NRXN1: variants seen among roughly 807,000 people sequenced by gnomAD.
The protein encoded by NRXN1 is neurexin 1.
A neutral mutation model predicts 150.9 loss-of-function variants in NRXN1; 39 were observed. That is an observed-to-expected ratio of 0.26 (90% confidence interval 0.20 to 0.34). NRXN1 has a LOEUF of 0.34. NRXN1 is among the 10% of genes least tolerant of loss of function. The pLI is 1.00. For synonymous variants in NRXN1, 924 were observed against 757.0 expected (o/e 1.22, Z -3.62); for missense variants, 1,815 against 1,949.9 (o/e 0.93, Z 1.30).
intron 2 of NRXN1, among the ~76,000 whole-genome samples, chr2:50,993,054 C>T (rs1296366368): frequency 6.6e-6 from 1 of 151,872 alleles, no homozygotes; most frequent in Non-Finnish European, 1.5e-5. Context: ...AATACAAGGA[C>T]ATACAAAGAG....
chr2:50,163,548 A>G (rs1018764864), intron 18 of NRXN1, among the ~76,000 whole-genome samples: 1 of 152,074 alleles, frequency 6.6e-6, no homozygotes, highest in Non-Finnish European at 1.5e-5. Context: ...AAGTGTCACA[A>G]TCTGTTTTAG....
At chr2:50,084,390 G>C (rs561398051) in intron 19 of NRXN1, among the ~76,000 whole-genome samples, 1 of 152,174 alleles carries the variant, frequency 6.6e-6, no homozygotes, top group Non-Finnish European at 1.5e-5. Flanking sequence ...GAAATCGAGC[G>C]CAGTGCCGGT....
chr2:50,766,090 A>C (rs1373061155), intron 5 of NRXN1, among the ~76,000 whole-genome samples: 5 of 152,212 alleles, frequency 3.3e-5, no homozygotes, highest in African/African-American at 1.2e-4. Flanking sequence ...ACTCATTTTA[A>C]AAGAAGATTC....
intron 18 of NRXN1, among the ~76,000 whole-genome samples, chr2:50,132,959 TTGA>T (rs1416688863): frequency 6.6e-6 from 1 of 151,102 alleles, no homozygotes; most frequent in African/African-American, 2.4e-5. Flanking sequence ...AAAAAAACAC[TTGA>T]TGAGATAGAA....
chr2:50,864,915 A>G (rs889848916), intron 5 of NRXN1, among the ~76,000 whole-genome samples: 48 of 152,098 alleles, frequency 3.2e-4, no homozygotes, highest in African/African-American at 1.1e-3. Context: ...GGGCCTTTCT[A>G]ACAAGTTCTC....
chr2:50,857,604 A>C (rs2106009755), intron 5 of NRXN1, among the ~76,000 whole-genome samples: 1 of 152,178 alleles, frequency 6.6e-6, no homozygotes, highest in South Asian at 2.1e-4. Flanking sequence ...AGATATACAA[A>C]GCCATTAATT....
At chr2:51,025,871 A>T (rs1041284167) in intron 2 of NRXN1, among the ~76,000 whole-genome samples, 1 of 152,224 alleles carries the variant, frequency 6.6e-6, no homozygotes, top group Non-Finnish European at 1.5e-5. Context: ...TGGAATACAC[A>T]GTTTTCTATA....
intron 2 of NRXN1, among the ~76,000 whole-genome samples, chr2:50,962,826 G>A (rs1170447393): frequency 6.6e-6 from 1 of 151,510 alleles, no homozygotes; most frequent in East Asian, 1.9e-4. Context: ...GACCACAGGT[G>A]AATGCTTCCT....
intron 19 of NRXN1, among the ~76,000 whole-genome samples, chr2:50,088,367 T>C (rs937724603): frequency 6.6e-6 from 1 of 152,134 alleles, no homozygotes; most frequent in African/African-American, 2.4e-5. Context: ...CTGATGACAA[T>C]GGTGACTCCC....
chr2:50,479,144 C>G (rs906548022), intron 15 of NRXN1, among the ~76,000 whole-genome samples: 1 of 152,190 alleles, frequency 6.6e-6, no homozygotes, highest in Non-Finnish European at 1.5e-5. Flanking sequence ...AAACTTTGAA[C>G]TATCTTTCAA....
chr2:50,122,997 G>C lies in NRXN1; in HGVS notation c.3547-31503C>G, dbSNP rs187035955. On this transcript the variant is annotated intron_variant, in intron 18 of 22. Coordinates refer to ENST00000401669, the MANE Select transcript of NRXN1 (RefSeq NM_001330078.2). ...CTTCTCTCTGTTTGCTAGAGCGATA[G>C]ATACTAAAGTATCTATAATACTCAA... Among the ~76,000 whole-genome samples the C allele has an allele frequency of 4.0e-3, 607 of 152,182 alleles. 8 individuals carry two copies. The highest frequency in any genetic ancestry group is 3.3e-3 in the Non-Finnish European group (225 of 68,010).
At chr2:50,038,994 G>T (rs574452653) in intron 21 of NRXN1, among the ~76,000 whole-genome samples, 319 of 151,818 alleles carry the variant, frequency 2.1e-3, no homozygotes, top group African/African-American at 7.5e-3. Context: ...CCTGGCCAGT[G>T]TGGTGAAACC....
At chr2:50,555,975 A>G (rs1371092347) in intron 8 of NRXN1, among the ~76,000 whole-genome samples, 2 of 152,164 alleles carry the variant, frequency 1.3e-5, no homozygotes, top group African/African-American at 2.4e-5. Flanking sequence ...TCTCCTCAAC[A>G]TAGTTCTTGT....
At chr2:50,133,537 T>A (rs528134770) in intron 18 of NRXN1, among the ~76,000 whole-genome samples, 12 of 152,298 alleles carry the variant, frequency 7.9e-5, no homozygotes, top group Middle Eastern at 6.8e-3. Flanking sequence ...GGGATTTTTT[T>A]AATTTCTGAC....
chr2:50,471,526 T>G (rs536326714), intron 16 of NRXN1, among the ~76,000 whole-genome samples: 1 of 152,008 alleles, frequency 6.6e-6, no homozygotes, highest in African/African-American at 2.4e-5. Flanking sequence ...TTAGGTAGAT[T>G]CCATATATCT....
At chr2:50,516,320 G>A (rs2092629919) in intron 12 of NRXN1, among the ~76,000 whole-genome samples, 1 of 152,176 alleles carries the variant, frequency 6.6e-6, no homozygotes, top group African/African-American at 2.4e-5. Context: ...ATGGCACGGT[G>A]TGACTGCATA....
chr2:50,081,275 A>G (rs1438056964), intron 19 of NRXN1, among the ~76,000 whole-genome samples: 1 of 152,172 alleles, frequency 6.6e-6, no homozygotes, highest in Non-Finnish European at 1.5e-5. Context: ...AAGTTAAGTG[A>G]CATTAAAACC....
chr2:49,993,110 G>A (rs1012502424), intron 21 of NRXN1, among the ~76,000 whole-genome samples: 1 of 152,208 alleles, frequency 6.6e-6, no homozygotes, highest in African/African-American at 2.4e-5. Flanking sequence ...CCTGCAAAGA[G>A]ATGCTTATAG....
chr2:50,823,087 T>G (rs771369417), intron 5 of NRXN1, among the ~76,000 whole-genome samples: 23 of 152,214 alleles, frequency 1.5e-4, no homozygotes, highest in Non-Finnish European at 2.6e-4. Context: ...ACCATTACGA[T>G]TCCAGGAACC....
Sources: allele counts gnomAD v4.1 joint callset (sites outside exome capture counted in the v4.1 genomes callset), GRCh38; gene constraint gnomAD v4.1.1; transcripts MANE v1.5; gene names NCBI Gene and HGNC (gene_info 2026-07-23, HGNC 2026-07-21).